ODAD1: variants seen among roughly 807,000 people sequenced by gnomAD.
ODAD1 encodes outer dynein arm-docking complex subunit 1.
A neutral mutation model predicts 67.2 loss-of-function variants in ODAD1; 49 were observed. That is an observed-to-expected ratio of 0.73 (90% CI 0.58 to 0.92). The LOEUF (loss-of-function observed/expected upper bound fraction) is 0.92. Ranked by LOEUF, ODAD1 falls within the 40% of genes least tolerant of loss-of-function variation. ODAD1 has a pLI of 0.00. For missense variants in ODAD1, 897 were observed against 953.7 expected (o/e 0.94, Z 0.78); for synonymous variants, 345 against 393.7 (o/e 0.88, Z 1.46).
chr19:48,313,656 G>A (rs1286538737), intron 5 of ODAD1, among the ~76,000 whole-genome samples: 2 of 152,020 alleles, frequency 1.3e-5, no homozygotes, highest in African/African-American at 2.4e-5. Flanking sequence ...GCTGAGGCAG[G>A]ATGATCTCTC....
At chr19:48,311,757 G>A in intron 6 of ODAD1, 91 bp from the exon 7 acceptor site, 1 of 882,720 alleles carries the variant, frequency 1.1e-6, no homozygotes, top group Non-Finnish European at 1.9e-6. Flanking sequence ...ACTTATCAGA[G>A]GTTGGGCCGG....
At position 48,297,143 on chromosome 19, in the gene ODAD1, C is replaced by T. The variant is rs780679601; in HGVS notation, c.1957G>A (p.Val653Met). 59 of 1,614,026 alleles carry T rather than the reference C, an allele frequency of 3.7e-5. No individual in the cohort carries two copies. Among genetic ancestry groups the T allele is most frequent in the Admixed American group, 5.0e-5 (3 of 60,008 alleles). ...TTTTCTCCGCCCCTGCTGGACCCCA[C>T]GTATCCAGTGGAGCCCAGGTAGCTG... ...ASSYLGSTGY[V>M]GSSRGGENTE... is the part of the protein sequence containing the mutation. Residue 653 changes from valine to methionine, a missense_variant, in exon 16 of 16, where the codon GTG becomes ATG. Transcript: ENST00000674294.
intron 9 of ODAD1, 44 bp from the exon 10 acceptor site, chr19:48,303,828 C>T (rs767155233): frequency 6.3e-7 from 1 of 1,583,518 alleles, no homozygotes; most frequent in Non-Finnish European, 8.6e-7. Flanking sequence ...GGGTGGCCTC[C>T]AACACAGAGA....
At chr19:48,307,310 G>A (rs1968634481) in intron 7 of ODAD1, among the ~76,000 whole-genome samples, 1 of 152,188 alleles carries the variant, frequency 6.6e-6, no homozygotes, top group Admixed American at 6.5e-5. Flanking sequence ...AAATATGTCA[G>A]CCAGGCGCAG....
At position 48,304,098 on chromosome 19, in the gene ODAD1, C is replaced by T. The variant is rs755132968; in HGVS notation, c.708G>A (p.Ala236=). The T allele has an allele frequency of 7.0e-5, 113 of 1,613,416 alleles. No individual in the cohort carries two copies. In the Admixed American group the frequency reaches 1.6e-3, roughly 22 times the overall value. The part of the protein sequence containing the change: ...KAKMGLLRER[A]EKEEAQSEME... ...TCTCGCTCTGGGCCTCCTCTTTCTC[C>T]GCGCGCTCCCGCAGCAAGCCCATCT... is the stretch of plus-strand genomic sequence containing the variant. The change falls in exon 9 of 16, where the codon GCG becomes GCA. Residue 236 remains alanine, a synonymous_variant. Transcript: ENST00000674294.
In ODAD1 at chr19:48,297,519, C is replaced by T. The variant is rs1419071684; in HGVS notation, c.1582-1G>A. 3.1e-6 allele frequency: 5 copies of T among 1,603,990 alleles called. No individual in the cohort carries two copies. The highest frequency in any genetic ancestry group is 4.3e-6 in the Non-Finnish European group (5 of 1,175,790). On this transcript the variant is annotated splice_acceptor_variant, in intron 15 of 15. Transcript: ENST00000674294. LOFTEE classifies it high-confidence loss of function. ...CCTCCGCCTGCTCCTGGAGCTCCACCTGCAGGGAAGGTGAACTGGGCCCCG... is the reference window on the plus strand; with the variant it reads ...CCTCCGCCTGCTCCTGGAGCTCCACTTGCAGGGAAGGTGAACTGGGCCCCG...
chr19:48,303,365 G>A, intron 10 of ODAD1: 1 of 608,104 alleles, frequency 1.6e-6, no homozygotes, highest in Non-Finnish European at 2.9e-6. Flanking sequence ...GATGCAGGCG[G>A]GGAGAACGGT....
At chr19:48,303,244 G>A (rs1968517882) in intron 10 of ODAD1, 149 bp from the exon 11 acceptor site, 7 of 680,270 alleles carry the variant, frequency 1.0e-5, no homozygotes, top group Non-Finnish European at 1.8e-5. Context: ...CGAACAGAGA[G>A]GAGTCACAGA....
At position 48,298,347 on chromosome 19, in the gene ODAD1, C is replaced by A; in HGVS notation, c.1241-7G>T. 21 of 1,613,636 alleles carry A rather than the reference C, an allele frequency of 1.3e-5. No individual in the cohort carries two copies. The highest frequency in any genetic ancestry group is 1.8e-5 in the Non-Finnish European group (21 of 1,179,750). On this transcript the variant is annotated splice_region_variant and splice_polypyrimidine_tract_variant and intron_variant, in intron 12 of 15. Transcript: ENST00000674294. ...GTGAAGAGGAGCTGGATATCTGCGT[C>A]ATGGAGGGCCGGTTGTCAGGGATCT...
intron 7 of ODAD1, among the ~76,000 whole-genome samples, chr19:48,310,522 G>A (rs893733187): frequency 1.3e-5 from 2 of 152,184 alleles, no homozygotes; most frequent in Non-Finnish European, 2.9e-5. Flanking sequence ...TAACAGCACT[G>A]TGTTTATGTA....
intron 12 of ODAD1, among the ~76,000 whole-genome samples, chr19:48,299,632 C>T (rs1361753090): frequency 6.6e-6 from 1 of 150,660 alleles, no homozygotes; most frequent in Non-Finnish European, 1.5e-5. Context: ...GGCAAAACCC[C>T]CCTCCACTAA....
chr19:48,311,442 T>C (rs2147327297), intron 7 of ODAD1, 111 bp downstream of exon 7: 1 of 670,336 alleles, frequency 1.5e-6, no homozygotes, highest in Non-Finnish European at 2.7e-6. Flanking sequence ...CCTACCGCTC[T>C]AGTCAATCCC....
At chr19:48,298,474 G>C in intron 12 of ODAD1, 134 bp from the exon 13 acceptor site, 1 of 854,972 alleles carries the variant, frequency 1.2e-6, no homozygotes, top group South Asian at 1.7e-5. Flanking sequence ...GGAGTCACCC[G>C]AGCTCAGCCA....
chr19:48,313,457 A>C (rs1017157510), intron 5 of ODAD1, among the ~76,000 whole-genome samples: 14 of 147,920 alleles, frequency 9.5e-5, no homozygotes, highest in South Asian at 2.1e-4. Context: ...CCAAAAAAAA[A>C]CCTCACATGT....
intron 12 of ODAD1, among the ~76,000 whole-genome samples, chr19:48,302,171 T>C (rs960506828): frequency 2.7e-5 from 4 of 147,052 alleles, no homozygotes; most frequent in African/African-American, 1.0e-4. Flanking sequence ...GGTAGATAGA[T>C]ATAGAACAGA....
At chr19:48,312,824 G>T (rs1300210495) in intron 5 of ODAD1, among the ~76,000 whole-genome samples, 1 of 152,174 alleles carries the variant, frequency 6.6e-6, no homozygotes, top group Non-Finnish European at 1.5e-5. Flanking sequence ...GGAGAATGAG[G>T]CCAGTGGACA....
intron 3 of ODAD1, chr19:48,319,923 A>G: frequency 4.6e-6 from 2 of 434,252 alleles, no homozygotes; most frequent in Non-Finnish European, 6.2e-6. Context: ...GCATCCTACG[A>G]CACACAGGAC....
chr19:48,297,656 CG>C lies in ODAD1; in HGVS notation c.1514del (p.Pro505ArgfsTer11). The C allele has an allele frequency of 2.0e-6, 3 of 1,515,194 alleles. No individual in the cohort carries two copies. Among genetic ancestry groups the C allele is most frequent in the South Asian group, 1.3e-5 (1 of 74,796 alleles). 93.9% of individuals were successfully genotyped at this position (1,515,194 alleles called of 1,614,324 possible). On this transcript the variant is annotated frameshift_variant, in exon 15 of 16. Transcript: ENST00000674294. LOFTEE classifies it high-confidence loss of function. ...GGTAGTCATCGCTGGCCTCAAAACC[CG>C]GGGGGTCTTCTCTGGGGAGGGGAAG... ...LQPPDTLEDPPGFEASDDYPM... is the reference protein window; with the variant it reads ...LQPPDTLEDPXGFEASDDYPM...
In ODAD1 at chr19:48,319,431, C is replaced by G; in HGVS notation, c.71-619G>C. Reference sequence around the variant, plus strand: ...AGACCCCAAGTGACCTGACCTTACCCACCTCTCCAGTCTTGCCCGTATGCT... The same window carrying G: ...AGACCCCAAGTGACCTGACCTTACCGACCTCTCCAGTCTTGCCCGTATGCT... On this transcript the variant is annotated intron_variant, in intron 3 of 15. Transcript: ENST00000674294. 4.1e-6 allele frequency: 4 copies of G among 986,256 alleles called. No individual in the cohort carries two copies. In the South Asian group the frequency reaches 1.4e-4, roughly 35 times the overall value. The allele number at this position is 986,256 out of a possible 1,614,324, so 61.1% of individuals were successfully genotyped here.
Sources: allele counts gnomAD v4.1 joint callset (sites outside exome capture counted in the v4.1 genomes callset), GRCh38; gene constraint gnomAD v4.1.1; transcripts MANE v1.5; gene names NCBI Gene and HGNC (gene_info 2026-07-23, HGNC 2026-07-21).